The following RBFOX2 variants were observed in gnomAD, a reference collection of about 807,000 sequenced individuals.
RBFOX2 encodes the protein RNA binding protein fox-1 homolog 2.
In RBFOX2, 10 loss-of-function variants were observed where a neutral mutation model predicts 49.1. That is an observed-to-expected ratio of 0.20 (90% CI 0.13 to 0.35). The LOEUF is 0.35. Among genes scored for constraint, RBFOX2 ranks in the 10% least tolerant of loss-of-function variants. RBFOX2 has a pLI of 1.00. For synonymous variants in RBFOX2, 183 were observed against 187.4 expected (o/e 0.98, Z 0.19); for missense variants, 323 against 486.9 (o/e 0.66, Z 3.17).
intron 2 of RBFOX2, among the ~76,000 whole-genome samples, chr22:35,783,482 G>T (rs1171280244): frequency 6.6e-6 from 1 of 152,074 alleles, no homozygotes; most frequent in Non-Finnish European, 1.5e-5. Context: ...TTTTGGGTGT[G>T]GTGGGTGGGA....
chr22:35,933,931 T>C (rs892075338), intron 1 of RBFOX2, among the ~76,000 whole-genome samples: 1 of 114,996 alleles, frequency 8.7e-6, no homozygotes, highest in African/African-American at 3.8e-5. Flanking sequence ...AAATGTTATA[T>C]ATATATATAT....
At chr22:35,817,619 A>G (rs748941079) in intron 1 of RBFOX2, among the ~76,000 whole-genome samples, 1 of 152,112 alleles carries the variant, frequency 6.6e-6, no homozygotes, top group Non-Finnish European at 1.5e-5. Flanking sequence ...GAGAATAAAC[A>G]CTAGTTGTTT....
At chr22:35,756,274 T>TTGGGGG (rs1235912216) in intron 9 of RBFOX2, 130 bp from the exon 11 acceptor site, 44 of 698,892 alleles carry the variant, frequency 6.3e-5, no homozygotes, top group Non-Finnish European at 7.9e-5. Context: ...TAACCTGGGC[T>TTGGGGG]TGGGGCCTCG....
intron 1 of RBFOX2, among the ~76,000 whole-genome samples, chr22:35,949,457 T>C (rs982268794): frequency 1.3e-5 from 2 of 152,210 alleles, no homozygotes; most frequent in Non-Finnish European, 2.9e-5. Flanking sequence ...AGTGACAATA[T>C]TTAACTTTTT....
chr22:35,820,238 C>A (rs530551105), intron 1 of RBFOX2, among the ~76,000 whole-genome samples: 4 of 152,140 alleles, frequency 2.6e-5, no homozygotes, highest in Non-Finnish European at 5.9e-5. Context: ...ATGTACCACT[C>A]GGCAAAGGCA....
intron 1 of RBFOX2, among the ~76,000 whole-genome samples, chr22:35,818,500 T>C (rs555259959): frequency 1.3e-5 from 2 of 152,284 alleles, no homozygotes; most frequent in South Asian, 4.1e-4. Context: ...GCCTTAAAAA[T>C]AGGCCAGGTG....
At chr22:35,767,041 G>C (rs1325359853) in intron 5 of RBFOX2, among the ~76,000 whole-genome samples, 3 of 152,138 alleles carry the variant, frequency 2.0e-5, no homozygotes, top group Non-Finnish European at 4.4e-5. Flanking sequence ...AGTAGGGAAG[G>C]ATGTAGGGGC....
intron 1 of RBFOX2, among the ~76,000 whole-genome samples, chr22:35,890,791 TTAAAATAAAA>T (rs2047144887): frequency 6.6e-6 from 1 of 151,962 alleles, no homozygotes; most frequent in Admixed American, 6.6e-5. Flanking sequence ...AATAGACAGT[TTAAAATAAAA>T]TAAAATGAAA....
At chr22:35,952,089 C>T (rs2055008997) in intron 1 of RBFOX2, among the ~76,000 whole-genome samples, 1 of 152,056 alleles carries the variant, frequency 6.6e-6, no homozygotes, top group Non-Finnish European at 1.5e-5. Context: ...ATGTGAACAG[C>T]CCCCTTCACC....
At chr22:35,832,917 T>A (rs1346015854) in intron 1 of RBFOX2, among the ~76,000 whole-genome samples, 1 of 152,202 alleles carries the variant, frequency 6.6e-6, no homozygotes, top group Non-Finnish European at 1.5e-5. Flanking sequence ...TTATTGTGTA[T>A]TTCAAAATAG....
At chr22:35,765,207 C>T (rs1281414065) in intron 6 of RBFOX2, among the ~76,000 whole-genome samples, 4 of 150,682 alleles carry the variant, frequency 2.7e-5, no homozygotes, top group African/African-American at 9.8e-5. Context: ...AAAAGATGAA[C>T]ATTACTTAGA....
intron 1 of RBFOX2, among the ~76,000 whole-genome samples, chr22:35,968,208 G>A (rs2056674486): frequency 6.6e-6 from 1 of 152,156 alleles, no homozygotes; most frequent in African/African-American, 2.4e-5. Context: ...ATAAATTTAG[G>A]GAAGGTCAAT....
chr22:35,977,430 C>CTTTTGAGAT (rs2057227061), intron 1 of RBFOX2, among the ~76,000 whole-genome samples: 1 of 151,974 alleles, frequency 6.6e-6, no homozygotes, highest in Admixed American at 6.6e-5. Context: ...AAGAATTACA[C>CTTTTGAGAT]TAAGTGAAAG....
At chr22:35,977,126 C>G (rs371474668) in intron 1 of RBFOX2, among the ~76,000 whole-genome samples, 2 of 151,874 alleles carry the variant, frequency 1.3e-5, no homozygotes, top group South Asian at 4.1e-4. Context: ...ATTGAAGCCA[C>G]GAAGAGATAT....
chr22:35,876,766 T>C (rs1346842792), intron 1 of RBFOX2, among the ~76,000 whole-genome samples: 1 of 151,942 alleles, frequency 6.6e-6, no homozygotes, highest in African/African-American at 2.4e-5. Context: ...GCTGTGTTTC[T>C]AGACCAGATA....
chr22:36,028,647 G>C (rs865801808), exon 1 of RBFOX2, among the ~76,000 whole-genome samples: 4 of 150,328 alleles, frequency 2.7e-5, no homozygotes, highest in Admixed American at 2.0e-4. Flanking sequence ...CGGGTTGTCG[G>C]CGCGGGGCCA....
In RBFOX2 at chr22:35,745,911, T is replaced by C. The variant is rs1223804205; in HGVS notation, c.1049+12A>G. On this transcript the variant is annotated intron_variant, in intron 11 of 11. Coordinates refer to ENST00000405409, the Ensembl canonical transcript of RBFOX2. ...AATGGTTTTATAAAGCAATGGTATATTATATACTTACCACAGCGCCAACTC... is the reference window on the plus strand; with the variant it reads ...AATGGTTTTATAAAGCAATGGTATACTATATACTTACCACAGCGCCAACTC... The C allele has an allele frequency of 1.2e-6, 2 of 1,606,228 alleles. No individual in the cohort carries two copies. The highest frequency in any genetic ancestry group is 2.7e-5 in the African/African-American group (2 of 74,758).
At chr22:35,851,514 C>A (rs891420775) in intron 1 of RBFOX2, among the ~76,000 whole-genome samples, 2 of 152,108 alleles carry the variant, frequency 1.3e-5, no homozygotes, top group African/African-American at 4.8e-5. Flanking sequence ...ACTTCTCATA[C>A]ATGGAAAAAC....
chr22:35,934,627 C>T (rs1217151322), intron 1 of RBFOX2, among the ~76,000 whole-genome samples: 1 of 152,246 alleles, frequency 6.6e-6, no homozygotes, highest in Admixed American at 6.5e-5. Flanking sequence ...CCTTAGGACC[C>T]CCATCACTTT....
Sources: allele counts gnomAD v4.1 joint callset (sites outside exome capture counted in the v4.1 genomes callset), GRCh38; gene constraint gnomAD v4.1.1; transcripts MANE v1.5; gene names NCBI Gene and HGNC (gene_info 2026-07-23, HGNC 2026-07-21).